MCPH1: variants seen among roughly 807,000 people sequenced by gnomAD.
MCPH1 encodes microcephalin.
A neutral mutation model predicts 84.5 loss-of-function variants in MCPH1; 104 were observed. The observed-to-expected ratio is 1.23, with a 90% CI of 1.05 to 1.45. The LOEUF is 1.45. Ranked by LOEUF, MCPH1 falls within the 40% of genes most tolerant of loss-of-function variation. MCPH1 has a pLI of 0.00. For missense variants in MCPH1, 1,498 were observed against 1,005.7 expected (o/e 1.49, Z -6.62); for synonymous variants, 514 against 366.8 (o/e 1.40, Z -4.58).
chr8:6,526,257 TAAAAA>T (rs35519559), intron 12 of MCPH1, among the ~76,000 whole-genome samples: 1 of 77,502 alleles, frequency 1.3e-5, no homozygotes. Flanking sequence ...TTGCCTCTAC[TAAAAA>T]AAAAAAAAAA....
chr8:6,519,175 G>A (rs1358707202), intron 12 of MCPH1, among the ~76,000 whole-genome samples: 3 of 152,170 alleles, frequency 2.0e-5, no homozygotes, highest in Non-Finnish European at 4.4e-5. Flanking sequence ...GGTTAGAATC[G>A]CCTTCCCCAG....
At chr8:6,633,482 T>C (rs553384441) in intron 13 of MCPH1, among the ~76,000 whole-genome samples, 1 of 152,342 alleles carries the variant, frequency 6.6e-6, no homozygotes, top group South Asian at 2.1e-4. Context: ...TAATCTGAAA[T>C]GCTCCGATAT....
At chr8:6,626,481 T>TG (rs1586860553) in intron 13 of MCPH1, 3 of 983,510 alleles carry the variant, frequency 3.1e-6, no homozygotes, top group South Asian at 9.4e-5. Context: ...TTTGTTTTTT[T>TG]TTTTTTTTTT....
chr8:6,520,699 C>G (rs1817159409), intron 12 of MCPH1, among the ~76,000 whole-genome samples: 1 of 152,152 alleles, frequency 6.6e-6, no homozygotes, highest in African/African-American at 2.4e-5. Context: ...CCTGGCCCTT[C>G]CCTCCAATAT....
At chr8:6,533,674 C>T (rs1264699203) in intron 12 of MCPH1, among the ~76,000 whole-genome samples, 2 of 147,328 alleles carry the variant, frequency 1.4e-5, no homozygotes, top group Non-Finnish European at 3.0e-5. Flanking sequence ...TGTTTTCTTC[C>T]TTTTCACATA....
chr8:6,506,193 A>G (rs1457027905), intron 12 of MCPH1, among the ~76,000 whole-genome samples: 2 of 151,988 alleles, frequency 1.3e-5, no homozygotes. Context: ...AATCCTTCAC[A>G]TATTCAGGAC....
intron 12 of MCPH1, 197 bp downstream of exon 12, chr8:6,500,126 A>C (rs532311337): frequency 7.6e-5 from 45 of 588,970 alleles, no homozygotes; most frequent in Non-Finnish European, 1.3e-4. Context: ...CATTGTGCAA[A>C]AAGTAGTGAG....
intron 13 of MCPH1, among the ~76,000 whole-genome samples, chr8:6,623,924 C>T (rs967812371): frequency 1.3e-5 from 2 of 152,188 alleles, no homozygotes; most frequent in African/African-American, 2.4e-5. Flanking sequence ...ACTGTGCACA[C>T]GATTGATATC....
chr8:6,597,974 C>T (rs1000082026), intron 12 of MCPH1, among the ~76,000 whole-genome samples: 4 of 152,202 alleles, frequency 2.6e-5, no homozygotes, highest in African/African-American at 4.8e-5. Context: ...GCACTGAGGA[C>T]GTGCCACTCA....
intron 3 of MCPH1, among the ~76,000 whole-genome samples, chr8:6,416,368 G>T (rs1799302442): frequency 6.6e-6 from 1 of 152,184 alleles, no homozygotes; most frequent in Admixed American, 6.5e-5. Context: ...TGGTGAGAAT[G>T]GACGTCCTTG....
chr8:6,419,986 C>G (rs1421891463), intron 3 of MCPH1, among the ~76,000 whole-genome samples: 2 of 151,504 alleles, frequency 1.3e-5, no homozygotes, highest in African/African-American at 4.9e-5. Context: ...AGGCTTGTGG[C>G]CAGAGCGTCC....
Position 6,548,033 on chromosome 8 carries a change from T to C in MCPH1, c.2214+48104T>C, listed in dbSNP as rs1822924921. On this transcript the variant is annotated intron_variant, in intron 12 of 13. Coordinates refer to ENST00000344683, the MANE Select transcript of MCPH1 (RefSeq NM_024596.5). ...GAAATTTAGTTTCACATTTAAGTGG[T>C]CCAAGTGCCAGCTTAAACTTTGTGG... Among the ~76,000 whole-genome samples the C allele has an allele frequency of 2.0e-5, 3 of 152,114 alleles. 1 individual carries two copies. Among genetic ancestry groups the C allele is most frequent in the Admixed American group, 2.0e-4 (3 of 15,280 alleles).
At chr8:6,599,325 C>T (rs1262186429) in intron 12 of MCPH1, among the ~76,000 whole-genome samples, 2 of 152,164 alleles carry the variant, frequency 1.3e-5, no homozygotes, top group African/African-American at 4.8e-5. Context: ...TACTTGAAGC[C>T]ATTACCTCGG....
chr8:6,555,290 T>G (rs1392234292), intron 12 of MCPH1, among the ~76,000 whole-genome samples: 1 of 152,196 alleles, frequency 6.6e-6, no homozygotes, highest in South Asian at 2.1e-4. Flanking sequence ...CACATGGAAC[T>G]TCCCTGAGGC....
rs1482146434 is a variant in MCPH1, at chr8:6,567,000, G to A, written c.2215-54454G>A. ...CGCGGTGCGGTGACGGTGTGTGATC[G>A]GCAAGGCCATAGATAGTGCACGCGG... is the stretch of plus-strand genomic sequence containing the variant. On this transcript the variant is annotated intron_variant, in intron 12 of 13. Coordinates refer to ENST00000344683, the MANE Select transcript of MCPH1 (RefSeq NM_024596.5). 1.3e-4 allele frequency among the ~76,000 whole-genome samples: 18 copies of A among 136,170 alleles called. 3 individuals carry two copies. The highest frequency in any genetic ancestry group is 2.5e-4 in the Non-Finnish European group (16 of 64,536). The allele number at this position is 136,170 out of a possible 152,430, so 89.3% of individuals were successfully genotyped here.
intron 11 of MCPH1, among the ~76,000 whole-genome samples, chr8:6,487,528 T>A (rs897750750): frequency 6.6e-6 from 1 of 152,236 alleles, no homozygotes; most frequent in Non-Finnish European, 1.5e-5. Context: ...TCAAAAGGGA[T>A]CATCTTGAAA....
chr8:6,543,969 T>C (rs1822076699), intron 12 of MCPH1, among the ~76,000 whole-genome samples: 4 of 152,204 alleles, frequency 2.6e-5, no homozygotes, highest in Non-Finnish European at 5.9e-5. Context: ...TCTTTAAAGT[T>C]GCAATATATT....
intron 12 of MCPH1, among the ~76,000 whole-genome samples, chr8:6,504,952 A>T (rs1812985458): frequency 6.6e-6 from 1 of 151,972 alleles, no homozygotes; most frequent in Non-Finnish European, 1.5e-5. Context: ...AAACTGAATA[A>T]ATCTCAACAA....
chr8:6,527,626 G>C (rs1335959753), intron 12 of MCPH1: 1 of 1,613,872 alleles, frequency 6.2e-7, no homozygotes, highest in Non-Finnish European at 8.5e-7. Context: ...TGTTTGTCGA[G>C]AGGGAGTGTT....
Sources: gnomAD v4.1 joint callset for allele counts (sites outside exome capture counted in the v4.1 genomes callset) on GRCh38, gnomAD v4.1.1 for gene constraint, MANE v1.5 for transcripts, NCBI Gene and HGNC (gene_info 2026-07-23, HGNC 2026-07-21) for gene names.